Variants in SENP1 observed in about 807,000 individuals in gnomAD.
SENP1 encodes sentrin-specific protease 1.
SENP1 carries 21 observed loss-of-function variants against 93.0 expected under a neutral mutation model. The observed-to-expected ratio is 0.23, with a 90% CI of 0.16 to 0.33. The LOEUF (loss-of-function observed/expected upper bound fraction) is 0.33, where lower values mean the gene tolerates loss of function less well. Among genes scored for constraint, SENP1 ranks in the 10% least tolerant of loss-of-function variants. The pLI, the probability that SENP1 is intolerant of heterozygous loss-of-function variation, is 1.00. For synonymous variants in SENP1, 256 were observed against 259.6 expected, an observed-to-expected ratio of 0.99 and a Z score of 0.13; for missense variants, 591 against 758.7, an observed-to-expected ratio of 0.78 and a Z score of 2.60.
chr12:48,098,180 C>T (rs1294389134), intron 2 of SENP1, 56 bp from the exon 3 acceptor site: 4 of 1,553,214 alleles, frequency 2.6e-6, no homozygotes, highest in East Asian at 2.3e-5. Context: ...AACGTTTTTC[C>T]TATGAACCAA....
At chr12:48,063,515 A>T (rs938318661) in intron 13 of SENP1, 195 bp downstream of exon 13, 9 of 486,050 alleles carry the variant, frequency 1.9e-5, no homozygotes, top group Non-Finnish European at 2.5e-5. Flanking sequence ...AGACTTTAAA[A>T]TACACCTGAG....
At chr12:48,086,478 G>A (rs984905157) in intron 5 of SENP1, among the ~76,000 whole-genome samples, 3 of 152,010 alleles carry the variant, frequency 2.0e-5, no homozygotes, top group Non-Finnish European at 4.4e-5. Context: ...CAAGTCACAC[G>A]GGAAAAAACC....
At chr12:48,068,913 G>T (rs995078761) in intron 9 of SENP1, among the ~76,000 whole-genome samples, 1 of 152,054 alleles carries the variant, frequency 6.6e-6, no homozygotes, top group Non-Finnish European at 1.5e-5. Context: ...AGCACTTTGG[G>T]AGGCTGAGGT....
chr12:48,080,966 G>C (rs1035954364), intron 6 of SENP1, among the ~76,000 whole-genome samples: 1 of 152,148 alleles, frequency 6.6e-6, no homozygotes, highest in South Asian at 2.1e-4. Context: ...CTGTTTGGAA[G>C]GGTAAAATTG....
chr12:48,098,232 T>C, intron 2 of SENP1, 108 bp from the exon 3 acceptor site: 1 of 1,117,254 alleles, frequency 9.0e-7, no homozygotes, highest in Admixed American at 2.5e-5. Flanking sequence ...AGGCATGGTG[T>C]CTCATGCCTG....
At chr12:48,052,824 AAC>A (rs1215579150) in intron 13 of SENP1, among the ~76,000 whole-genome samples, 1 of 152,228 alleles carries the variant, frequency 6.6e-6, no homozygotes, top group Admixed American at 6.5e-5. Context: ...TCTATTTAGA[AAC>A]ACTTCAAAGA....
chr12:48,065,493 T>C, intron 11 of SENP1, 103 bp downstream of exon 11: 1 of 750,062 alleles, frequency 1.3e-6, no homozygotes, highest in Non-Finnish European at 2.2e-6. Flanking sequence ...CCATACGATC[T>C]TGGAATTACA....
chr12:48,057,140 T>C (rs55848142), intron 13 of SENP1, among the ~76,000 whole-genome samples: 5 of 99,752 alleles, frequency 5.0e-5, no homozygotes, highest in African/African-American at 2.1e-4. Flanking sequence ...ATAAATATAT[T>C]ATTTAATATA....
intron 2 of SENP1, among the ~76,000 whole-genome samples, chr12:48,100,067 A>C (rs1444877755): frequency 1.3e-5 from 2 of 152,222 alleles, no homozygotes; most frequent in Non-Finnish European, 2.9e-5. Flanking sequence ...AAGGAAAAGG[A>C]AAACACAGAA....
intron 6 of SENP1, 133 bp from the exon 7 acceptor site, chr12:48,074,926 G>A: frequency 1.6e-6 from 1 of 636,036 alleles, no homozygotes; most frequent in Middle Eastern, 3.8e-4. Context: ...AGAATTATGG[G>A]CCTAACACAG....
rs140273944 is a variant in SENP1 at position 48,071,168 on chromosome 12, T to C, written c.995+499A>G. Among the ~76,000 whole-genome samples the C allele has an allele frequency of 6.5e-4, 99 of 152,154 alleles. 1 individual carries two copies. The highest frequency in any genetic ancestry group is 1.2e-3 in the Non-Finnish European group (82 of 67,988). ...GAACATGGTATGGTGGAAGACGGAA[T>C]GAAGAACAAAATAGAGGCTGAAGGA... On this transcript the variant is annotated intron_variant, in intron 9 of 17. Transcript: ENST00000549518.
chr12:48,095,972 A>G (rs1227319221), intron 4 of SENP1, among the ~76,000 whole-genome samples: 1 of 152,236 alleles, frequency 6.6e-6, no homozygotes, highest in Non-Finnish European at 1.5e-5. Context: ...CATGGTTTCA[A>G]GCAGAACAGA....
intron 4 of SENP1, among the ~76,000 whole-genome samples, chr12:48,090,837 A>T (rs1945180773): frequency 6.6e-6 from 1 of 152,064 alleles, no homozygotes; most frequent in Non-Finnish European, 1.5e-5. Context: ...GCCTTAGGTG[A>T]TACTTCCACC....
At chr12:48,046,937 C>T (rs771553057) in intron 16 of SENP1, 41 bp downstream of exon 16, 6 of 1,342,128 alleles carry the variant, frequency 4.5e-6, no homozygotes, top group Non-Finnish European at 5.3e-6. Context: ...TCCCCAAATA[C>T]CCTACTTTTA....
chr12:48,047,988 A>C lies in SENP1; in HGVS notation c.1691+13T>G, dbSNP rs1349926927. The C allele has an allele frequency of 1.9e-6, 3 of 1,570,458 alleles. No homozygotes were observed. In the African/African-American group the frequency reaches 4.1e-5, roughly 21 times the overall value. On this transcript the variant is annotated intron_variant, in intron 15 of 17. Transcript: ENST00000549518. ...CCGATATCAAACTCTTCTGTCCTCA[A>C]CTCCCTACTTACAAGAGTATTCTGC...
At chr12:48,082,157 G>C (rs886288059) in intron 6 of SENP1, among the ~76,000 whole-genome samples, 5 of 151,850 alleles carry the variant, frequency 3.3e-5, no homozygotes, top group Non-Finnish European at 7.4e-5. Flanking sequence ...CCAAAGTGCT[G>C]GGATTACAGG....
chr12:48,054,483 G>C (rs1942069806), intron 13 of SENP1, among the ~76,000 whole-genome samples: 1 of 152,066 alleles, frequency 6.6e-6, no homozygotes, highest in Non-Finnish European at 1.5e-5. Context: ...GTAAACCTAT[G>C]TCTTTACATT....
At chr12:48,072,889 G>C (rs1565772889) in intron 8 of SENP1, among the ~76,000 whole-genome samples, 1 of 151,816 alleles carries the variant, frequency 6.6e-6, no homozygotes, top group East Asian at 1.9e-4. Context: ...GCGGGTCTTG[G>C]AACATATCCT....
intron 13 of SENP1, among the ~76,000 whole-genome samples, chr12:48,056,164 T>C (rs1191487711): frequency 2.6e-5 from 3 of 113,946 alleles, no homozygotes; most frequent in Admixed American, 1.1e-4. Flanking sequence ...ATATATAGTA[T>C]ATATTATTTT....
Sources: allele counts gnomAD v4.1 joint callset (sites outside exome capture counted in the v4.1 genomes callset), GRCh38; gene constraint gnomAD v4.1.1; transcripts MANE v1.5; gene names NCBI Gene and HGNC (gene_info 2026-07-23, HGNC 2026-07-21).